The following SSBP2 variants were observed in gnomAD, a reference collection of about 807,000 sequenced individuals.
SSBP2 encodes single stranded DNA binding protein 2, also known as single-stranded DNA-binding protein 2.
In SSBP2, 17 loss-of-function variants were observed where a neutral mutation model predicts 61.8. The observed-to-expected ratio is 0.28, with a 90% CI of 0.19 to 0.41. The LOEUF is 0.41. Ranked by LOEUF, SSBP2 falls within the 10% of genes least tolerant of loss-of-function variation. The pLI is 1.00. For synonymous variants in SSBP2, 139 were observed against 141.3 expected (o/e 0.98, Z 0.12); for missense variants, 310 against 458.7 (o/e 0.68, Z 2.96).
chr5:81,664,891 C>T (rs1033185937), intron 1 of SSBP2, among the ~76,000 whole-genome samples: 8 of 152,164 alleles, frequency 5.3e-5, no homozygotes, highest in African/African-American at 1.7e-4. Flanking sequence ...GTCTTATTTT[C>T]GGGTTCTCTG....
In SSBP2 at chr5:81,420,136, C is replaced by A; in HGVS notation, c.*368G>T. 1 of 187,824 alleles carries A rather than the reference C, an allele frequency of 5.3e-6. No homozygotes were observed. The highest frequency in any genetic ancestry group is 1.1e-5 in the Non-Finnish European group (1 of 91,650). 11.6% of individuals were successfully genotyped at this position (187,824 alleles called of 1,614,324 possible). ...AAAAAGGATGGAATAAAAGTCCCTA[C>A]TTATTTCTACTTAAGATGTCATGTG... On this transcript the variant is annotated 3_prime_UTR_variant, in exon 17 of 17. Coordinates refer to ENST00000320672, the MANE Select transcript of SSBP2 (RefSeq NM_012446.5).
chr5:81,489,419 A>G (rs1766689028), intron 5 of SSBP2, 110 bp from the exon 6 acceptor site: 1 of 907,140 alleles, frequency 1.1e-6, no homozygotes, highest in South Asian at 1.8e-5. Context: ...ATCACAAATC[A>G]ATGTACTTTG....
intron 4 of SSBP2, among the ~76,000 whole-genome samples, chr5:81,586,238 T>C: frequency 6.6e-6 from 1 of 152,218 alleles, no homozygotes; most frequent in East Asian, 1.9e-4. Context: ...CCATAATGAC[T>C]GTACTAATTT....
intron 2 of SSBP2, among the ~76,000 whole-genome samples, chr5:81,643,605 T>TC (rs1040644199): frequency 7.3e-6 from 1 of 137,222 alleles, no homozygotes; most frequent in African/African-American, 2.8e-5. Context: ...CTTTTTTTTT[T>TC]TTTTTTTTTT....
intron 5 of SSBP2, among the ~76,000 whole-genome samples, chr5:81,501,253 A>G (rs1396317408): frequency 1.5e-5 from 1 of 68,896 alleles, no homozygotes; most frequent in Non-Finnish European, 2.6e-5. Flanking sequence ...ATATATATAT[A>G]TATATATATA....
At chr5:81,426,262 CACATA>C in intron 16 of SSBP2, among the ~76,000 whole-genome samples, 1 of 152,150 alleles carries the variant, frequency 6.6e-6, no homozygotes, top group Non-Finnish European at 1.5e-5. Flanking sequence ...AAGAAAGCCA[CACATA>C]ACAATGATAT....
chr5:81,688,521 G>T lies in SSBP2; in HGVS notation c.63-38182C>A, dbSNP rs191980811. On this transcript the variant is annotated intron_variant, in intron 1 of 16. Coordinates refer to ENST00000320672, the MANE Select transcript of SSBP2 (RefSeq NM_012446.5). ...TGACCCAGTGGTTATAGCCACGGGGGTGCTTGTGTCACCCCTCACGCAGCT... is the reference window on the plus strand; with the variant it reads ...TGACCCAGTGGTTATAGCCACGGGGTTGCTTGTGTCACCCCTCACGCAGCT... Among the ~76,000 whole-genome samples the T allele has an allele frequency of 6.6e-5, 10 of 152,334 alleles. No individual in the cohort carries two copies. The East Asian group carries it at 1.9e-3, about 29-fold the overall frequency.
intron 3 of SSBP2, among the ~76,000 whole-genome samples, chr5:81,622,488 C>G (rs1746693297): frequency 6.6e-6 from 1 of 152,156 alleles, no homozygotes; most frequent in Admixed American, 6.5e-5. Flanking sequence ...TGTGACAGCC[C>G]TTGAGCAAGT....
At chr5:81,677,254 CCAA>C (rs1752054163) in intron 1 of SSBP2, among the ~76,000 whole-genome samples, 1 of 152,060 alleles carries the variant, frequency 6.6e-6, no homozygotes, top group Non-Finnish European at 1.5e-5. Context: ...CCAATCTATC[CCAA>C]CAACAAGTAA....
rs931517167 is a variant in SSBP2, at chr5:81,698,677, G to A, written c.63-48338C>T. On this transcript the variant is annotated intron_variant, in intron 1 of 16. Transcript: ENST00000320672. Reference sequence around the variant, plus strand: ...AAATACAAAAATTAACTGTGGTGGTGCATGCCTGTAATCCCAGCTACTCGG... The same window carrying A: ...AAATACAAAAATTAACTGTGGTGGTACATGCCTGTAATCCCAGCTACTCGG... 2.6e-5 allele frequency among the ~76,000 whole-genome samples: 4 copies of A among 152,122 alleles called. No individual in the cohort carries two copies. The East Asian group carries it at 5.8e-4, about 22-fold the overall frequency.
At chr5:81,580,765 T>A (rs866004998) in intron 4 of SSBP2, among the ~76,000 whole-genome samples, 2,913 of 113,238 alleles carry the variant, frequency 0.026, 237 homozygotes, top group Admixed American at 0.18. Flanking sequence ...AAAAAAAAAA[T>A]GATTTGCTAA....
intron 6 of SSBP2, among the ~76,000 whole-genome samples, chr5:81,485,033 G>A (rs1455409193): frequency 2.6e-5 from 4 of 151,936 alleles, no homozygotes; most frequent in East Asian, 1.9e-4. Context: ...TCTGTATTTC[G>A]GGCTGTCTTG....
rs1223185529 is a variant in SSBP2 at position 81,558,220 on chromosome 5, T to C, written c.283-44503A>G. The stretch of plus-strand genomic sequence containing the variant: ...CACTTACCTGGTTGTTTTCTCAAAA[T>C]ATACCTCTTTCTCCATACTGTTGCT... On this transcript the variant is annotated intron_variant, in intron 4 of 16. Transcript: ENST00000320672. 2.6e-5 allele frequency among the ~76,000 whole-genome samples: 4 copies of C among 152,326 alleles called. No homozygotes were observed. In the South Asian group the frequency reaches 6.2e-4, roughly 24 times the overall value.
intron 1 of SSBP2, among the ~76,000 whole-genome samples, chr5:81,741,409 G>A (rs949897316): frequency 7.2e-5 from 11 of 152,116 alleles, no homozygotes; most frequent in African/African-American, 2.4e-4. Flanking sequence ...GATGGAGAAC[G>A]GTGATGGCTA....
chr5:81,610,276 T>C (rs1038286753), intron 4 of SSBP2, among the ~76,000 whole-genome samples: 4 of 152,200 alleles, frequency 2.6e-5, no homozygotes, highest in Non-Finnish European at 5.9e-5. Context: ...GTCAGAAGAA[T>C]GATCCTAAAT....
intron 6 of SSBP2, among the ~76,000 whole-genome samples, chr5:81,479,163 G>A (rs1765801431): frequency 1.3e-5 from 2 of 152,076 alleles, no homozygotes; most frequent in South Asian, 2.1e-4. Flanking sequence ...TGTAATCACT[G>A]CATTCTTTAA....
At chr5:81,675,168 A>G (rs773549068) in intron 1 of SSBP2, among the ~76,000 whole-genome samples, 1 of 152,074 alleles carries the variant, frequency 6.6e-6, no homozygotes, top group Non-Finnish European at 1.5e-5. Context: ...CACACACACA[A>G]TTTTAATCCC....
At chr5:81,748,441 A>G (rs1217913051) in intron 1 of SSBP2, among the ~76,000 whole-genome samples, 2 of 152,202 alleles carry the variant, frequency 1.3e-5, no homozygotes, top group African/African-American at 4.8e-5. Flanking sequence ...TAGTGCCATT[A>G]AAGTCCCAAG....
In SSBP2 at chr5:81,597,316, T is replaced by C. The variant is rs543834473; in HGVS notation, c.282+18157A>G. Among the ~76,000 whole-genome samples, 453 of 152,230 alleles carry C rather than the reference T, an allele frequency of 3.0e-3. 2 individuals carry two copies. The highest frequency in any genetic ancestry group is 0.011 in the African/African-American group (443 of 41,538). On this transcript the variant is annotated intron_variant, in intron 4 of 16. Transcript: ENST00000320672. ...AAATCAAAACCACAATGAGATACCATCTCACACCAGTTAGAATGGCAATCA... is the reference window on the plus strand; with the variant it reads ...AAATCAAAACCACAATGAGATACCACCTCACACCAGTTAGAATGGCAATCA...
Sources: gnomAD v4.1 joint callset for allele counts (sites outside exome capture counted in the v4.1 genomes callset) on GRCh38, gnomAD v4.1.1 for gene constraint, MANE v1.5 for transcripts, NCBI Gene and HGNC (gene_info 2026-07-23, HGNC 2026-07-21) for gene names.